SYNE1: variants seen among roughly 807,000 people sequenced by gnomAD.
SYNE1 encodes nesprin-1.
A neutral mutation model predicts 1,111.0 loss-of-function variants in SYNE1; 616 were observed. That is an observed-to-expected ratio of 0.55 (90% CI 0.52 to 0.59). SYNE1 has a LOEUF of 0.59. Ranked by LOEUF, SYNE1 falls within the 20% of genes least tolerant of loss-of-function variation. SYNE1 has a pLI of 0.00. For missense variants in SYNE1, 10,006 were observed against 10,417.0 expected (o/e 0.96, Z 1.72); for synonymous variants, 3,855 against 3,825.8 (o/e 1.01, Z -0.28).
intron 130 of SYNE1, among the ~76,000 whole-genome samples, chr6:152,170,615 T>C (rs1265063829): frequency 6.6e-6 from 1 of 152,198 alleles, no homozygotes; most frequent in Admixed American, 6.5e-5. Flanking sequence ...ATTCCAAGAA[T>C]TTCATTTCCT....
chr6:152,180,366 A>C, intron 128 of SYNE1, 72 bp from the exon 129 acceptor site: 1 of 1,436,598 alleles, frequency 7.0e-7, no homozygotes, highest in Non-Finnish European at 9.7e-7. Context: ...GGAAAATAGC[A>C]AATAAACTAG....
At chr6:152,361,810 G>T (rs1460485922) in intron 64 of SYNE1, among the ~76,000 whole-genome samples, 3 of 147,806 alleles carry the variant, frequency 2.0e-5, no homozygotes, top group Non-Finnish European at 3.0e-5. Context: ...TAAGCATTAT[G>T]ACGAATGCAC....
chr6:152,413,559 T>G, intron 41 of SYNE1, 28 bp from the exon 42 acceptor site: 7 of 1,607,938 alleles, frequency 4.4e-6, no homozygotes, highest in Non-Finnish European at 6.0e-6. Context: ...ATTTTCCTAT[T>G]AATTTACTAA....
intron 42 of SYNE1, chr6:152,410,355 T>C (rs376848565): frequency 6.6e-6 from 1 of 151,940 alleles, no homozygotes; most frequent in South Asian, 2.1e-4. Context: ...GGTTAGTACT[T>C]GGATGGGAGA....
At chr6:152,582,542 C>A (rs1294375826) in intron 3 of SYNE1, among the ~76,000 whole-genome samples, 1 of 151,444 alleles carries the variant, frequency 6.6e-6, no homozygotes, top group African/African-American at 2.4e-5. Flanking sequence ...AATGGGTTAC[C>A]AGTGCTCAAA....
rs185096765 is a variant in SYNE1, at chr6:152,543,576, G to T, written c.68-3555C>A. Among the ~76,000 whole-genome samples, 3 of 152,240 alleles carry T rather than the reference G, an allele frequency of 2.0e-5. No homozygotes were observed. In the East Asian group the frequency reaches 5.8e-4, roughly 29 times the overall value. On this transcript the variant is annotated intron_variant, in intron 3 of 145. Transcript: ENST00000367255. ...AATAACATTTCTTTTTAATGCTGTT[G>T]ACAGGGAACAAAATGAACCTTCACG... is the stretch of plus-strand genomic sequence containing the variant.
intron 3 of SYNE1, among the ~76,000 whole-genome samples, chr6:152,622,293 G>T (rs568430973): frequency 6.6e-6 from 1 of 152,154 alleles, no homozygotes; most frequent in East Asian, 1.9e-4. Context: ...TTAAGTTTAG[G>T]GGTACATGTG....
chr6:152,391,518 CCTT>C lies in SYNE1; in HGVS notation c.7760_7762del (p.Glu2587del). 1 of 1,611,286 alleles carries C rather than the reference CCTT, an allele frequency of 6.2e-7. No homozygotes were observed. Among genetic ancestry groups the C allele is most frequent in the Non-Finnish European group, 8.5e-7 (1 of 1,179,422 alleles). ...GCGGCCCTCCTGCCCAGCACCGTGGCCTTCTTCACTCAGAAGCTGCCCTCTCTG... is the reference window on the plus strand; with the variant it reads ...GCGGCCCTCCTGCCCAGCACCGTGGCCTTCACTCAGAAGCTGCCCTCTCTG... On this transcript the variant is annotated inframe_deletion, in exon 52 of 146. Coordinates refer to ENST00000367255, the MANE Select transcript of SYNE1 (RefSeq NM_182961.4).
intron 39 of SYNE1, among the ~76,000 whole-genome samples, chr6:152,420,419 A>C (rs564545465): frequency 2.0e-5 from 3 of 152,314 alleles, no homozygotes; most frequent in South Asian, 4.1e-4. Flanking sequence ...CAGGAGTTTG[A>C]GACCAGCCTG....
intron 90 of SYNE1, 33 bp downstream of exon 90, chr6:152,309,802 A>G (rs529089432): frequency 1.9e-6 from 3 of 1,612,004 alleles, no homozygotes; most frequent in South Asian, 2.2e-5. Context: ...TTCATCAGCA[A>G]TTGCTCTACT....
At chr6:152,496,408 C>G (rs1443874408) in intron 11 of SYNE1, among the ~76,000 whole-genome samples, 2 of 152,218 alleles carry the variant, frequency 1.3e-5, no homozygotes, top group African/African-American at 4.8e-5. Context: ...TGGGCACTCT[C>G]TAACTGGATG....
intron 3 of SYNE1, among the ~76,000 whole-genome samples, chr6:152,605,423 C>T (rs1192135627): frequency 6.6e-6 from 1 of 152,110 alleles, no homozygotes; most frequent in Non-Finnish European, 1.5e-5. Flanking sequence ...ACTGATTGTC[C>T]TTGAGATGTA....
At chr6:152,604,597 C>G (rs753834954) in intron 3 of SYNE1, among the ~76,000 whole-genome samples, 2 of 152,006 alleles carry the variant, frequency 1.3e-5, no homozygotes, top group African/African-American at 4.8e-5. Context: ...AGCCACTGTG[C>G]CCATCCCAGC....
intron 3 of SYNE1, among the ~76,000 whole-genome samples, chr6:152,572,449 T>C (rs1007627445): frequency 6.6e-6 from 1 of 152,146 alleles, no homozygotes; most frequent in Non-Finnish European, 1.5e-5. Flanking sequence ...ATGGGAGAAA[T>C]TGTTTGGATT....
intron 32 of SYNE1, among the ~76,000 whole-genome samples, chr6:152,438,743 T>C (rs575143201): frequency 6.6e-6 from 1 of 152,312 alleles, no homozygotes; most frequent in South Asian, 2.1e-4. Context: ...TCCCTTAGCA[T>C]AACCATTCCT....
chr6:152,183,614 G>A (rs552856920), intron 128 of SYNE1, among the ~76,000 whole-genome samples: 1 of 152,034 alleles, frequency 6.6e-6, no homozygotes, highest in East Asian at 1.9e-4. Flanking sequence ...AAAAAGAATC[G>A]AAACTCCTGC....
intron 111 of SYNE1, among the ~76,000 whole-genome samples, chr6:152,234,452 G>A (rs973025231): frequency 2.6e-5 from 4 of 151,982 alleles, no homozygotes; most frequent in South Asian, 2.1e-4. Flanking sequence ...GCACTACCAC[G>A]CCCGGCTAAT....
At chr6:152,481,075 G>A (rs2098892752) in intron 14 of SYNE1, 2 of 275,378 alleles carry the variant, frequency 7.3e-6, no homozygotes, top group Non-Finnish European at 7.1e-6. Flanking sequence ...TCACTCCCCC[G>A]TAGGAGATAC....
chr6:152,351,690 T>G (rs2096743367), intron 70 of SYNE1, among the ~76,000 whole-genome samples: 1 of 152,194 alleles, frequency 6.6e-6, no homozygotes, highest in Non-Finnish European at 1.5e-5. Context: ...ATGGGAAAGA[T>G]ATGGGATCCT....
Sources: allele counts gnomAD v4.1 joint callset (sites outside exome capture counted in the v4.1 genomes callset), GRCh38; gene constraint gnomAD v4.1.1; transcripts MANE v1.5; gene names NCBI Gene and HGNC (gene_info 2026-07-23, HGNC 2026-07-21).